The following PSD3 variants were observed in gnomAD, a reference collection of about 807,000 sequenced individuals.
PSD3 encodes pleckstrin and Sec7 domain containing 3.
Under a neutral mutation model 105.5 loss-of-function variants are expected in PSD3, and 49 were observed. That is an observed-to-expected ratio of 0.46 (90% confidence interval 0.37 to 0.59). The LOEUF is 0.59. Ranked by LOEUF, PSD3 falls within the 20% of genes least tolerant of loss-of-function variation. The pLI is 0.00. For missense variants in PSD3, 1,561 were observed against 1,263.8 expected, an observed-to-expected ratio of 1.24 and a Z score of -3.57; for synonymous variants, 557 against 457.8, an observed-to-expected ratio of 1.22 and a Z score of -2.77.
chr8:18,734,200 C>T (rs1478161086), intron 9 of PSD3: 1 of 152,156 alleles, frequency 6.6e-6, no homozygotes, highest in Non-Finnish European at 1.5e-5. Context: ...AATTCTGCCT[C>T]TATGTATAGC....
chr8:19,056,604 T>C (rs985485745), intron 1 of PSD3, among the ~76,000 whole-genome samples: 2 of 152,210 alleles, frequency 1.3e-5, no homozygotes, highest in African/African-American at 4.8e-5. Flanking sequence ...CCAAACTACA[T>C]ATTATGTCTG....
chr8:18,752,476 ATAT>A (rs1408775293), intron 9 of PSD3, among the ~76,000 whole-genome samples: 4 of 64,434 alleles, frequency 6.2e-5, no homozygotes, highest in Admixed American at 2.9e-4. Context: ...TCAAATATAT[ATAT>A]TATTATATAT....
intron 9 of PSD3, among the ~76,000 whole-genome samples, chr8:18,659,421 G>C (rs184001308): frequency 5.5e-4 from 83 of 152,214 alleles, no homozygotes; most frequent in South Asian, 5.2e-3. Context: ...ATGAAACAAA[G>C]GTTTCCTTAT....
intron 2 of PSD3, among the ~76,000 whole-genome samples, chr8:18,907,838 A>T (rs1819948283): frequency 6.6e-6 from 1 of 152,242 alleles, no homozygotes; most frequent in Non-Finnish European, 1.5e-5. Context: ...TAGTTGCCGC[A>T]TTTCAATTTC....
intron 10 of PSD3, among the ~76,000 whole-genome samples, chr8:18,644,984 C>T (rs796668469): frequency 6.6e-6 from 1 of 152,186 alleles, no homozygotes; most frequent in Admixed American, 6.5e-5. Flanking sequence ...TGCTTTGCTG[C>T]CCTTCTCCTA....
At chr8:18,673,713 G>T (rs1048851716) in intron 9 of PSD3, among the ~76,000 whole-genome samples, 20 of 152,172 alleles carry the variant, frequency 1.3e-4, no homozygotes, top group African/African-American at 4.8e-4. Context: ...GAGACGCCCT[G>T]CTGTGAAACG....
chr8:18,869,347 G>A (rs144226263), intron 3 of PSD3, among the ~76,000 whole-genome samples: 7,006 of 152,034 alleles, frequency 0.046, 191 homozygotes, highest in Admixed American at 0.085. Context: ...GTAACACAAC[G>A]CCTGGCTAAT....
intron 11 of PSD3, among the ~76,000 whole-genome samples, chr8:18,629,259 G>A (rs1806721344): frequency 6.6e-6 from 1 of 151,952 alleles, no homozygotes; most frequent in African/African-American, 2.4e-5. Context: ...ATAGGTATAA[G>A]GGATGCAAAA....
At chr8:19,028,805 T>A (rs928675718) in intron 1 of PSD3, among the ~76,000 whole-genome samples, 1 of 152,218 alleles carries the variant, frequency 6.6e-6, no homozygotes, top group African/African-American at 2.4e-5. Flanking sequence ...AGAATTGTTA[T>A]AGTTTTAGCT....
intron 8 of PSD3, among the ~76,000 whole-genome samples, chr8:18,771,185 G>C (rs1009919674): frequency 6.6e-6 from 1 of 152,144 alleles, no homozygotes; most frequent in African/African-American, 2.4e-5. Context: ...CAGGCCATGG[G>C]TGGTTTTGGA....
intron 1 of PSD3, among the ~76,000 whole-genome samples, chr8:19,076,111 T>A (rs57724036): frequency 6.6e-6 from 1 of 151,940 alleles, no homozygotes; most frequent in African/African-American, 2.4e-5. Flanking sequence ...TCAATAAAAA[T>A]ACGGTGGAAG....
exon 1 of PSD3, chr8:19,084,437 G>C: frequency 2.2e-6 from 1 of 456,148 alleles, no homozygotes; most frequent in Non-Finnish European, 4.4e-6. Context: ...AGGCATCCCT[G>C]CATCGGGGGT....
chr8:18,582,875 G>A (rs1428170338), intron 12 of PSD3, among the ~76,000 whole-genome samples: 1 of 145,744 alleles, frequency 6.9e-6, no homozygotes, highest in East Asian at 2.0e-4. Flanking sequence ...ACCCAGGCTG[G>A]AGTGCAGTGG....
intron 1 of PSD3, among the ~76,000 whole-genome samples, chr8:19,030,730 C>G (rs1398896174): frequency 6.6e-6 from 1 of 152,086 alleles, no homozygotes; most frequent in Non-Finnish European, 1.5e-5. Flanking sequence ...TATGAATTAT[C>G]ATTTATCCTG....
At chr8:18,750,606 G>T (rs529911192) in intron 9 of PSD3, among the ~76,000 whole-genome samples, 1 of 152,042 alleles carries the variant, frequency 6.6e-6, no homozygotes. Context: ...TGCTGGCTCC[G>T]GCAGCCTGCT....
At chr8:18,877,726 G>C (rs907322565) in intron 2 of PSD3, among the ~76,000 whole-genome samples, 4 of 151,284 alleles carry the variant, frequency 2.6e-5, no homozygotes, top group Middle Eastern at 3.2e-3. Context: ...TTTTTTTTAA[G>C]AGACAGGGTC....
chr8:18,774,819 C>A (rs577288606), intron 8 of PSD3: 25 of 446,444 alleles, frequency 5.6e-5, no homozygotes, highest in South Asian at 3.2e-4. Flanking sequence ...GTCACTTCGG[C>A]GACATACATC....
At chr8:18,644,084 G>T (rs1228319654) in intron 10 of PSD3, among the ~76,000 whole-genome samples, 2 of 152,212 alleles carry the variant, frequency 1.3e-5, no homozygotes, top group Non-Finnish European at 2.9e-5. Flanking sequence ...GTGATGGAAT[G>T]GGCAGCCTCA....
intron 4 of PSD3, among the ~76,000 whole-genome samples, chr8:18,834,448 C>A (rs1014274633): frequency 3.3e-5 from 5 of 152,184 alleles, no homozygotes; most frequent in Non-Finnish European, 7.3e-5. Flanking sequence ...ATCACTGCAT[C>A]CTTGTGTCAG....
Sources: gnomAD v4.1 joint callset for allele counts (sites outside exome capture counted in the v4.1 genomes callset) on GRCh38, gnomAD v4.1.1 for gene constraint, MANE v1.5 for transcripts, NCBI Gene and HGNC (gene_info 2026-07-23, HGNC 2026-07-21) for gene names.